Variants in MSTO1 observed in about 807,000 individuals in gnomAD.
The protein encoded by MSTO1 is misato mitochondrial distribution and morphology regulator 1, also known as protein misato homolog 1.
A neutral mutation model predicts 55.7 loss-of-function variants in MSTO1; 24 were observed. The ratio of observed to expected loss-of-function variants is 0.43; its 90% CI spans 0.31 to 0.61. MSTO1 has a LOEUF of 0.61. Among genes scored for constraint, MSTO1 ranks in the 20% least tolerant of loss-of-function variants. The probability of loss-of-function intolerance (pLI) is 0.09; values close to 1 mark genes in which losing one functional copy is unlikely to be tolerated. For missense variants in MSTO1, 363 were observed against 625.7 expected (o/e 0.58, Z 4.48); for synonymous variants, 162 against 252.8 (o/e 0.64, Z 3.41).
At chr1:155,564,644 G>A in the MSTO1 span, among the ~76,000 whole-genome samples, 4 of 152,142 alleles carry the variant, frequency 2.6e-5, no homozygotes, top group African/African-American at 7.2e-5. Context: ...TTACCTCATT[G>A]TATATTTTCC....
upstream of MSTO1, among the ~76,000 whole-genome samples, chr1:155,608,335 C>A (rs568895928): frequency 1.3e-5 from 2 of 151,962 alleles, no homozygotes; most frequent in African/African-American, 2.4e-5. Flanking sequence ...TTGAAAAATT[C>A]TTTTATAGAG....
At chr1:155,592,609 G>A in the MSTO1 span, among the ~76,000 whole-genome samples, 189 of 149,778 alleles carry the variant, frequency 1.3e-3, no homozygotes, top group African/African-American at 4.5e-3. Context: ...GCTGGAGTGC[G>A]GTGGCACAAT....
intron 2 of MSTO1, 71 bp from the exon 3 acceptor site, chr1:155,610,968 A>G: frequency 4.2e-6 from 2 of 473,740 alleles, no homozygotes; most frequent in Non-Finnish European, 7.3e-6. Flanking sequence ...TCAGGTGATC[A>G]GAGGAAGGTT....
the MSTO1 span, among the ~76,000 whole-genome samples, chr1:155,596,795 T>C: frequency 6.6e-6 from 1 of 150,788 alleles, no homozygotes; most frequent in Non-Finnish European, 1.5e-5. Context: ...ATGGGAGATA[T>C]CTTTTCCAGC....
At chr1:155,566,577 A>G in the MSTO1 span, among the ~76,000 whole-genome samples, 1 of 152,198 alleles carries the variant, frequency 6.6e-6, no homozygotes, top group East Asian at 1.9e-4. Context: ...AAGAGAGTGA[A>G]ACTCTGTCTC....
At chr1:155,609,594 A>G (rs1673404446), upstream of MSTO1, among the ~76,000 whole-genome samples, 1 of 152,174 alleles carries the variant, frequency 6.6e-6, no homozygotes, top group Non-Finnish European at 1.5e-5. Flanking sequence ...CATACAATGG[A>G]CTATTCCGCA....
the MSTO1 span, among the ~76,000 whole-genome samples, chr1:155,587,767 A>T: frequency 7.9e-5 from 12 of 151,120 alleles, no homozygotes; most frequent in African/African-American, 2.4e-4. Context: ...AAAAAAAAGG[A>T]ATAACTGTGC....
At chr1:155,566,490 C>T in the MSTO1 span, among the ~76,000 whole-genome samples, 1 of 152,054 alleles carries the variant, frequency 6.6e-6, no homozygotes, top group Non-Finnish European at 1.5e-5. Context: ...GAAAAATTAG[C>T]CAGGCCATGG....
the MSTO1 span, among the ~76,000 whole-genome samples, chr1:155,575,794 A>T: frequency 7.2e-6 from 1 of 139,266 alleles, no homozygotes; most frequent in African/African-American, 2.8e-5. Flanking sequence ...GTCTTATTTT[A>T]TTTTTATTTA....
At chr1:155,587,822 C>T in the MSTO1 span, among the ~76,000 whole-genome samples, 1 of 150,088 alleles carries the variant, frequency 6.7e-6, no homozygotes, top group Non-Finnish European at 1.5e-5. Context: ...TTTTCCATAA[C>T]ACATAACTAA....
intron 4 of MSTO1, 79 bp from the exon 5 acceptor site, chr1:155,611,470 A>C: frequency 1.2e-6 from 2 of 1,613,786 alleles, no homozygotes; most frequent in Non-Finnish European, 1.7e-6. Context: ...CGGTGTGGCC[A>C]GCCAACTCAA....
Position 155,613,979 on chromosome 1 carries a change from G to T in MSTO1, c.1499-80G>T, listed in dbSNP as rs977668507. 12 of 1,591,672 alleles carry T rather than the reference G, an allele frequency of 7.5e-6. No homozygotes were observed. The African/African-American group carries it at 1.6e-4, about 21-fold the overall frequency. ...GTTTACAATCAAGTCTACTAAGGTTGGACTTCCTTATCAGTTTGGCAGAGT... is the reference window on the plus strand; with the variant it reads ...GTTTACAATCAAGTCTACTAAGGTTTGACTTCCTTATCAGTTTGGCAGAGT... On this transcript the variant is annotated intron_variant, in intron 13 of 13. Transcript: ENST00000245564.
Position 155,612,507 on chromosome 1 carries a change from C to T in MSTO1, c.903C>T (p.Ser301=), listed in dbSNP as rs1029582017. The T allele has an allele frequency of 3.1e-6, 5 of 1,613,942 alleles. No individual in the cohort carries two copies. The African/African-American group carries it at 4.0e-5, about 13-fold the overall frequency. The stretch of plus-strand genomic sequence containing the variant: ...ACAGCTCTCTTGTCTGCCCCTTGTC[C>T]TTGGGTGGGAGCCTGGGCCTGCGAC... ...TAHSSLVCPL[S]LGGSLGLRPE... is the part of the protein sequence containing the mutation. The change falls in exon 9 of 14, where the codon TCC becomes TCT. Residue 301 remains serine, a synonymous_variant. Coordinates refer to ENST00000245564, the MANE Select transcript of MSTO1 (RefSeq NM_018116.4).
chr1:155,590,770 T>G, the MSTO1 span: 41 of 1,605,576 alleles, frequency 2.6e-5, no homozygotes, highest in Non-Finnish European at 3.5e-5. Flanking sequence ...CCAGCCCAAG[T>G]AGAGGGAGGC....
rs1265907939 is a variant in MSTO1, at chr1:155,612,428, G to A, written c.824G>A (p.Arg275Lys). The change falls in exon 9 of 14, where the codon AGA becomes AAA. Residue 275 changes from arginine to lysine, a missense_variant. Arg to Lys is a conservative substitution (Grantham distance 26). Transcript: ENST00000245564. ...CTCTTTCTTCACCAGGAGGCCCAGA[G>A]AAACATCTATCGTCTATTAAACACA... is the stretch of plus-strand genomic sequence containing the variant. ...PGPYHRGEAQ[R>K]NIYRLLNTAF... The A allele has an allele frequency of 3.1e-6, 5 of 1,611,958 alleles. No individual in the cohort carries two copies. The highest frequency in any genetic ancestry group is 4.2e-6 in the Non-Finnish European group (5 of 1,178,996).
chr1:155,598,943 C>G, the MSTO1 span: 1 of 1,269,182 alleles, frequency 7.9e-7, no homozygotes, highest in Non-Finnish European at 1.1e-6. Flanking sequence ...TGTCTTCTCT[C>G]TGTTAGGTTC....
chr1:155,571,972 G>A, the MSTO1 span, among the ~76,000 whole-genome samples: 1 of 151,748 alleles, frequency 6.6e-6, no homozygotes. Context: ...AACCCAGGAG[G>A]CGGAGGTTGC....
At chr1:155,591,320 G>A in the MSTO1 span, 43 of 1,286,778 alleles carry the variant, frequency 3.3e-5, no homozygotes, top group Non-Finnish European at 3.7e-5. Context: ...AGGCCAAGTC[G>A]ACACTTAATA....
chr1:155,603,017 A>G, the MSTO1 span, among the ~76,000 whole-genome samples: 1 of 152,094 alleles, frequency 6.6e-6, no homozygotes, highest in Non-Finnish European at 1.5e-5. Flanking sequence ...GGACATTTTC[A>G]TCAGAATCCC....
Sources: gnomAD v4.1 joint callset for allele counts (sites outside exome capture counted in the v4.1 genomes callset) on GRCh38, gnomAD v4.1.1 for gene constraint, MANE v1.5 for transcripts, NCBI Gene and HGNC (gene_info 2026-07-23, HGNC 2026-07-21) for gene names.